APP: variants seen among roughly 807,000 people sequenced by gnomAD.
APP encodes amyloid-beta precursor protein.
APP carries 31 observed loss-of-function variants against 101.4 expected under a neutral mutation model. The observed-to-expected ratio is 0.31, with a 90% CI of 0.23 to 0.41. The LOEUF (loss-of-function observed/expected upper bound fraction) is 0.41, where lower values mean the gene tolerates loss of function less well. Ranked by LOEUF, APP falls within the 10% of genes least tolerant of loss-of-function variation. The pLI is 1.00. For missense variants in APP, 839 were observed against 1,003.7 expected, an observed-to-expected ratio of 0.84 and a Z score of 2.22; for synonymous variants, 366 against 364.4, an observed-to-expected ratio of 1.00 and a Z score of -0.05.
chr21:26,070,493 T>C (rs1231865395), intron 3 of APP, among the ~76,000 whole-genome samples: 1 of 152,204 alleles, frequency 6.6e-6, no homozygotes, highest in Non-Finnish European at 1.5e-5. Flanking sequence ...TAGTGGCAAC[T>C]GGATGTTATC....
chr21:26,118,823 A>T (rs919987952), intron 1 of APP, among the ~76,000 whole-genome samples: 1 of 152,042 alleles, frequency 6.6e-6, no homozygotes, highest in Non-Finnish European at 1.5e-5. Context: ...TATACGCATG[A>T]GCCACAACGC....
chr21:25,896,794 G>A (rs1325311720), intron 16 of APP, among the ~76,000 whole-genome samples: 2 of 152,124 alleles, frequency 1.3e-5, no homozygotes, highest in African/African-American at 2.4e-5. Context: ...GAACATCATG[G>A]GGTCCTGCTC....
At chr21:26,024,544 C>T (rs2044486277) in intron 5 of APP, among the ~76,000 whole-genome samples, 1 of 152,154 alleles carries the variant, frequency 6.6e-6, no homozygotes, top group Admixed American at 6.5e-5. Flanking sequence ...AAGGAAGACT[C>T]CTCCATAAAC....
intron 16 of APP, among the ~76,000 whole-genome samples, chr21:25,897,335 C>T: frequency 6.6e-6 from 1 of 152,118 alleles, no homozygotes; most frequent in Non-Finnish European, 1.5e-5. Flanking sequence ...AGGCTGGTCT[C>T]GAATTTCTGA....
chr21:26,017,275 C>A (rs1385985038), intron 6 of APP, among the ~76,000 whole-genome samples: 1 of 148,340 alleles, frequency 6.7e-6, no homozygotes, highest in African/African-American at 2.5e-5. Flanking sequence ...CACCACACAG[C>A]ATAGTTACAA....
rs199744129 is a variant in APP, at chr21:26,051,100, G to A, written c.562C>T (p.Pro188Ser). Residue 188 changes from proline to serine, a missense_variant, in exon 5 of 18, where the codon CCA becomes TCA. Physicochemically the swap from Pro to Ser is moderately conservative, Grantham distance 74. Coordinates refer to ENST00000346798, the MANE Select transcript of APP (RefSeq NM_000484.4). ...KFRGVEFVCC[P>S]LAEESDNVDS... is the part of the protein sequence containing the mutation. ...ACATTGTCACTTTCTTCAGCCAGTG[G>A]GCAACACACAAACTCTACCCCTCGG... is the stretch of plus-strand genomic sequence containing the variant. 3.7e-6 allele frequency: 6 copies of A among 1,613,876 alleles called. No individual in the cohort carries two copies. The African/African-American group carries it at 5.3e-5, about 14-fold the overall frequency.
chr21:25,904,954 G>T, intron 15 of APP, 70 bp downstream of exon 15: 2 of 1,355,412 alleles, frequency 1.5e-6, no homozygotes, highest in South Asian at 1.2e-5. Context: ...TTAAAATGCA[G>T]AAAGGAGACA....
intron 13 of APP, among the ~76,000 whole-genome samples, chr21:25,913,317 GTCTAA>G (rs958002393): frequency 3.9e-5 from 6 of 152,206 alleles, no homozygotes; most frequent in East Asian, 3.8e-4. Flanking sequence ...TCCTTTTGAA[GTCTAA>G]TCTGAGTTAT....
chr21:26,050,040 C>A (rs530191871), intron 5 of APP, among the ~76,000 whole-genome samples: 1 of 152,174 alleles, frequency 6.6e-6, no homozygotes, highest in East Asian at 1.9e-4. Flanking sequence ...ACCATATGAC[C>A]CAGTTTGCCT....
chr21:26,014,024 C>T (rs1329680010), intron 6 of APP, among the ~76,000 whole-genome samples: 3 of 88 alleles, frequency 0.034, no homozygotes, highest in African/African-American at 0.17. Flanking sequence ...ACAACCCGGG[C>T]GAGAGTAGAA....
intron 11 of APP, among the ~76,000 whole-genome samples, chr21:25,959,642 A>C (rs904242393): frequency 6.6e-6 from 1 of 152,178 alleles, no homozygotes; most frequent in Non-Finnish European, 1.5e-5. Context: ...AGGTTTCTGG[A>C]GTTCCATTAT....
intron 8 of APP, among the ~76,000 whole-genome samples, chr21:25,994,147 C>A (rs1043650617): frequency 1.3e-5 from 2 of 152,192 alleles, no homozygotes; most frequent in Non-Finnish European, 2.9e-5. Flanking sequence ...AATGGTCACA[C>A]TCTCATATTT....
At chr21:26,047,022 G>T (rs1156418965) in intron 5 of APP, among the ~76,000 whole-genome samples, 2 of 152,130 alleles carry the variant, frequency 1.3e-5, no homozygotes, top group African/African-American at 4.8e-5. Context: ...GCATAAATAG[G>T]TATTTTGAGG....
chr21:25,901,213 G>C (rs1359555128), intron 15 of APP, among the ~76,000 whole-genome samples: 1 of 149,860 alleles, frequency 6.7e-6, no homozygotes, highest in African/African-American at 2.5e-5. Context: ...TGGGAGGATA[G>C]CTTTAGCCCA....
At chr21:26,016,657 C>G (rs926389430) in intron 6 of APP, among the ~76,000 whole-genome samples, 2 of 151,998 alleles carry the variant, frequency 1.3e-5, no homozygotes, top group Admixed American at 1.3e-4. Context: ...CTGCAACCTC[C>G]GCCTCCTAGG....
chr21:25,931,375 C>T (rs1569071891), intron 13 of APP, among the ~76,000 whole-genome samples: 1 of 152,156 alleles, frequency 6.6e-6, no homozygotes. Flanking sequence ...AGGGAAGCAG[C>T]TTAGCCAAGA....
intron 11 of APP, among the ~76,000 whole-genome samples, chr21:25,973,584 T>C (rs548159403): frequency 1.3e-5 from 2 of 152,040 alleles, no homozygotes; most frequent in African/African-American, 4.8e-5. Context: ...TAGCACTGTT[T>C]AGAAAAATGG....
intron 1 of APP, among the ~76,000 whole-genome samples, chr21:26,120,686 A>C (rs1163895178): frequency 1.3e-5 from 2 of 152,172 alleles, no homozygotes; most frequent in African/African-American, 2.4e-5. Context: ...TCTGCAAATG[A>C]TAAACAATTT....
chr21:26,142,219 C>T (rs1413013522), intron 1 of APP, among the ~76,000 whole-genome samples: 1 of 152,120 alleles, frequency 6.6e-6, no homozygotes, highest in African/African-American at 2.4e-5. Context: ...TAGCACAATG[C>T]GTCCTGGATG....
Sources: allele counts gnomAD v4.1 joint callset (sites outside exome capture counted in the v4.1 genomes callset), GRCh38; gene constraint gnomAD v4.1.1; transcripts MANE v1.5; gene names NCBI Gene and HGNC (gene_info 2026-07-23, HGNC 2026-07-21).